The following HEMGN variants were observed in gnomAD, a reference collection of about 807,000 sequenced individuals.
The protein encoded by HEMGN is erythroid differentiation-associated gene protein.
HEMGN carries 32 observed loss-of-function variants against 45.7 expected under a neutral mutation model. That is an observed-to-expected ratio of 0.70 (90% confidence interval 0.53 to 0.94). The LOEUF is 0.94. HEMGN is among the 40% of genes least tolerant of loss of function. HEMGN has a pLI of 0.00. For synonymous variants in HEMGN, 183 were observed against 178.6 expected, an observed-to-expected ratio of 1.02 and a Z score of -0.20; for missense variants, 530 against 564.2, an observed-to-expected ratio of 0.94 and a Z score of 0.61.
Position 97,927,055 on chromosome 9 carries a change from C to G in HEMGN, c.*329G>C, listed in dbSNP as rs1449087147. 5.7e-6 allele frequency: 1 copy of G among 174,776 alleles called. No individual in the cohort carries two copies. Among genetic ancestry groups the G allele is most frequent in the Non-Finnish European group, 1.2e-5 (1 of 83,438 alleles). 10.8% of individuals were successfully genotyped at this position (174,776 alleles called of 1,614,324 possible). ...TATGTGTTCAGTCTTAGTCACTTAT[C>G]TGCTCTTAAGACGTAAATAAATGTT... On this transcript the variant is annotated 3_prime_UTR_variant, in exon 4 of 4. Transcript: ENST00000616898.
Position 97,936,172 on chromosome 9 carries a change from C to T in HEMGN, c.172G>A (p.Gly58Arg). The T allele has an allele frequency of 1.2e-6, 2 of 1,604,012 alleles. No individual in the cohort carries two copies. Among genetic ancestry groups the T allele is most frequent in the Non-Finnish European group, 1.7e-6 (2 of 1,170,920 alleles). The change falls in exon 2 of 4, where the codon GGA becomes AGA. Residue 58 changes from glycine to arginine, a missense_variant and splice_region_variant. Coordinates refer to ENST00000616898, the MANE Select transcript of HEMGN (RefSeq NM_197978.3). ...CTTTCCCTTGTGATGCTACCATACC[C>T]AAATAGCCATTGTGATGTTTCCTTT... is the stretch of plus-strand genomic sequence containing the variant. ...HEKETSQWLF[G>R]EQKKRKQQRT... is the part of the protein sequence containing the mutation.
chr9:97,940,595 A>G (rs1020182738), upstream of HEMGN, among the ~76,000 whole-genome samples: 1 of 152,222 alleles, frequency 6.6e-6, no homozygotes, highest in Non-Finnish European at 1.5e-5. Context: ...CTCTCTGTAG[A>G]AAATTCTAGT....
intron 3 of HEMGN, 143 bp from the exon 4 acceptor site, chr9:97,927,621 A>G: frequency 1.8e-6 from 1 of 560,180 alleles, no homozygotes; most frequent in East Asian, 2.9e-5. Context: ...CCATAAAGTT[A>G]TAGAAATAAT....
chr9:97,937,338 G>A (rs1309923127), intron 1 of HEMGN, among the ~76,000 whole-genome samples: 5 of 152,002 alleles, frequency 3.3e-5, no homozygotes, highest in Admixed American at 1.3e-4. Context: ...ATTAAGCCCA[G>A]CATCTATTAT....
intron 2 of HEMGN, among the ~76,000 whole-genome samples, chr9:97,931,471 G>A (rs1826952397): frequency 6.6e-6 from 1 of 152,224 alleles, no homozygotes; most frequent in Non-Finnish European, 1.5e-5. Context: ...AGCCTTCTTG[G>A]TGAGGGTAGT....
chr9:97,926,950 A>C lies in HEMGN; in HGVS notation c.*434T>G. 6.6e-6 allele frequency: 1 copy of C among 152,652 alleles called. No homozygotes were observed. The highest frequency in any genetic ancestry group is 1.9e-4 in the East Asian group (1 of 5,224). 9.5% of individuals were successfully genotyped at this position (152,652 alleles called of 1,614,324 possible). On this transcript the variant is annotated 3_prime_UTR_variant, in exon 4 of 4. Transcript: ENST00000616898. ...AAAACTGACCAAAAGAGTCAACTAA[A>C]GCCTGAATAAAATTTTGATGCTACT... is the stretch of plus-strand genomic sequence containing the variant.
At chr9:97,939,449 A>G (rs1827119587), upstream of HEMGN, among the ~76,000 whole-genome samples, 1 of 152,232 alleles carries the variant, frequency 6.6e-6, no homozygotes. Context: ...GACCTTTGTA[A>G]TGTGAATAGA....
At position 97,930,786 on chromosome 9, in the gene HEMGN, G is replaced by GT; in HGVS notation, c.608dup (p.Asn203LysfsTer22). 1 of 1,614,136 alleles carries GT rather than the reference G, an allele frequency of 6.2e-7. No individual in the cohort carries two copies. The highest frequency in any genetic ancestry group is 8.5e-7 in the Non-Finnish European group (1 of 1,179,988). On this transcript the variant is annotated frameshift_variant, in exon 3 of 4. Coordinates refer to ENST00000616898, the MANE Select transcript of HEMGN (RefSeq NM_197978.3). LOFTEE classifies it high-confidence loss of function. ...GAATTACAGATATTACTTGGCATGTGTTAGGAGAGTTGTCTTCAGGTTCCT... is the reference window on the plus strand; with the variant it reads ...GAATTACAGATATTACTTGGCATGTGTTTAGGAGAGTTGTCTTCAGGTTCCT...
At chr9:97,934,748 AC>A (rs1827026749) in intron 2 of HEMGN, among the ~76,000 whole-genome samples, 1 of 152,106 alleles carries the variant, frequency 6.6e-6, no homozygotes, top group Admixed American at 6.5e-5. Context: ...ATGATTCAAA[AC>A]CCTTGCAACA....
chr9:97,936,058 T>C (rs961543054), intron 2 of HEMGN, 113 bp downstream of exon 2: 2 of 745,648 alleles, frequency 2.7e-6, no homozygotes, highest in Non-Finnish European at 4.6e-6. Context: ...CCATGTCTGA[T>C]TTACAGGATT....
Position 97,930,842 on chromosome 9 carries a change from C to T in HEMGN, c.553G>A (p.Asp185Asn), listed in dbSNP as rs1826935136. ...TCTTGGCATATTTTGGAAGAATTGT[C>T]TTGAAGTACAGATATTTCTTGGTAC... Reference protein sequence around the residue: ...KMYQEISVLQDNSSKICQDMK... With the variant: ...KMYQEISVLQNNSSKICQDMK... The change falls in exon 3 of 4, where the codon GAC becomes AAC. Residue 185 changes from aspartate to asparagine, a missense_variant. Asp to Asn is a conservative substitution (Grantham distance 23, BLOSUM62 1). Transcript: ENST00000616898. The T allele has an allele frequency of 1.9e-6, 3 of 1,614,114 alleles. No individual in the cohort carries two copies. The highest frequency in any genetic ancestry group is 2.5e-6 in the Non-Finnish European group (3 of 1,179,988).
intron 1 of HEMGN, 31 bp from the exon 2 acceptor site, chr9:97,936,295 T>A: frequency 7.0e-7 from 1 of 1,437,460 alleles, no homozygotes; most frequent in Non-Finnish European, 9.8e-7. Context: ...TTAGAAAAAG[T>A]GATGAACTGT....
In HEMGN at chr9:97,930,901, T is replaced by C. The variant is rs1351084239; in HGVS notation, c.494A>G (p.His165Arg). The change falls in exon 3 of 4, where the codon CAT becomes CGT. Residue 165 changes from histidine to arginine, a missense_variant. Coordinates refer to ENST00000616898, the MANE Select transcript of HEMGN (RefSeq NM_197978.3). ...AGAGAGGTCTTCAGGTTCAGACACATGTTGGCATGTTTCAGAAGAATGGTT... is the reference window on the plus strand; with the variant it reads ...AGAGAGGTCTTCAGGTTCAGACACACGTTGGCATGTTTCAGAAGAATGGTT... ...VQNHSSETCQ[H>R]VSEPEDLSPK... The C allele has an allele frequency of 7.4e-6, 12 of 1,614,056 alleles. No individual in the cohort carries two copies. The highest frequency in any genetic ancestry group is 3.3e-5 in the Admixed American group (2 of 59,996).
intron 2 of HEMGN, among the ~76,000 whole-genome samples, chr9:97,935,656 T>A (rs1200977733): frequency 6.6e-6 from 1 of 152,258 alleles, no homozygotes; most frequent in Non-Finnish European, 1.5e-5. Context: ...ACAGTCATGT[T>A]ATTGTACCCC....
upstream of HEMGN, among the ~76,000 whole-genome samples, chr9:97,942,650 C>A (rs984073971): frequency 5.9e-5 from 9 of 152,240 alleles, no homozygotes; most frequent in South Asian, 1.9e-3. Flanking sequence ...TGCTTCCTGA[C>A]CATCTGGAGC....
Position 97,930,361 on chromosome 9 carries a change from T to A in HEMGN, c.1034A>T (p.Glu345Val). The A allele has an allele frequency of 6.2e-7, 1 of 1,613,874 alleles. No homozygotes were observed. The highest frequency in any genetic ancestry group is 8.5e-7 in the Non-Finnish European group (1 of 1,179,958). ...TGAATAGTCTTCAGAATGAGGTGTT[T>A]CTTGGATTGTTTTATGAGAGGGGGC... Reference protein sequence around the residue: ...PKAPSHKTIQETPHSEDYSIE... With the variant: ...PKAPSHKTIQVTPHSEDYSIE... The change falls in exon 3 of 4, where the codon GAA becomes GTA. Residue 345 changes from glutamate to valine, a missense_variant. Transcript: ENST00000616898.
intron 3 of HEMGN, 108 bp from the exon 4 acceptor site, chr9:97,927,586 C>T (rs776216293): frequency 4.7e-4 from 308 of 653,456 alleles, no homozygotes; most frequent in Non-Finnish European, 2.0e-4. Flanking sequence ...AACAACAAAC[C>T]GTAGATGGGG....
Position 97,930,144 on chromosome 9 carries a change from A to T in HEMGN, c.1251T>A (p.Asp417Glu). Residue 417 changes from aspartate to glutamate, a missense_variant, in exon 3 of 4, where the codon GAT becomes GAA. Physicochemically the swap from Asp to Glu is conservative, Grantham distance 45 (BLOSUM62 2). Transcript: ENST00000616898. Reference protein sequence around the residue: ...DLSTETYKNKDVPKECFPEPH... With the variant: ...DLSTETYKNKEVPKECFPEPH... Reference sequence around the variant, plus strand: ...GTTCTGGAAAGCATTCTTTAGGCACATCCTTATTTTTATATGTCTCAGTAG... The same window carrying T: ...GTTCTGGAAAGCATTCTTTAGGCACTTCCTTATTTTTATATGTCTCAGTAG... 1.2e-6 allele frequency: 2 copies of T among 1,614,148 alleles called. No homozygotes were observed. Among genetic ancestry groups the T allele is most frequent in the Non-Finnish European group, 1.7e-6 (2 of 1,180,022 alleles).
At chr9:97,929,528 A>G (rs1826901180) in intron 3 of HEMGN, among the ~76,000 whole-genome samples, 1 of 152,220 alleles carries the variant, frequency 6.6e-6, no homozygotes, top group Non-Finnish European at 1.5e-5. Flanking sequence ...GTTTTTCAGG[A>G]ACAAATCTTG....
Sources: allele counts gnomAD v4.1 joint callset (sites outside exome capture counted in the v4.1 genomes callset), GRCh38; gene constraint gnomAD v4.1.1; transcripts MANE v1.5; gene names NCBI Gene and HGNC (gene_info 2026-07-23, HGNC 2026-07-21).